CLVS1: variants seen among roughly 807,000 people sequenced by gnomAD.
The protein encoded by CLVS1 is clavesin 1.
In CLVS1, 10 loss-of-function variants were observed where a neutral mutation model predicts 33.1. The observed-to-expected ratio is 0.30, with a 90% CI of 0.19 to 0.51. The LOEUF is 0.51. Among genes scored for constraint, CLVS1 ranks in the 20% least tolerant of loss-of-function variants. The probability of loss-of-function intolerance (pLI) is 0.97; values close to 1 mark genes in which losing one functional copy is unlikely to be tolerated. For synonymous variants in CLVS1, 163 were observed against 166.1 expected (o/e 0.98, Z 0.14); for missense variants, 343 against 433.4 (o/e 0.79, Z 1.85).
At chr8:61,403,163 C>T (rs532919525) in intron 3 of CLVS1, among the ~76,000 whole-genome samples, 1 of 152,162 alleles carries the variant, frequency 6.6e-6, no homozygotes, top group South Asian at 2.1e-4. Flanking sequence ...GAAAAATGTT[C>T]CAGATAGAAG....
chr8:61,243,155 G>A (rs966984877), intron 2 of CLVS1, among the ~76,000 whole-genome samples: 1 of 152,128 alleles, frequency 6.6e-6, no homozygotes, highest in African/African-American at 2.4e-5. Context: ...AGACTTATAT[G>A]GCAAATTTTC....
the CLVS1 span, among the ~76,000 whole-genome samples, chr8:60,972,951 T>C: frequency 2.3e-4 from 35 of 152,270 alleles, no homozygotes; most frequent in African/African-American, 9.6e-5. Flanking sequence ...GATGAACCCA[T>C]TGGGTTCTGA....
the CLVS1 span, among the ~76,000 whole-genome samples, chr8:60,992,658 C>T: frequency 6.6e-6 from 1 of 152,202 alleles, no homozygotes; most frequent in Non-Finnish European, 1.5e-5. Context: ...GAAGCTCTGG[C>T]AACTGCACAA....
chr8:61,416,047 A>G (rs1815417628), intron 3 of CLVS1, among the ~76,000 whole-genome samples: 2 of 152,290 alleles, frequency 1.3e-5, no homozygotes, highest in Non-Finnish European at 2.9e-5. Flanking sequence ...GGGTTCCCAG[A>G]CAACACTTGG....
intron 2 of CLVS1, among the ~76,000 whole-genome samples, chr8:61,330,524 A>T (rs16927192): frequency 0.034 from 5,114 of 152,252 alleles, 287 homozygotes; most frequent in African/African-American, 0.11. Context: ...TGTGTGCACT[A>T]AAGATTAATT....
At chr8:61,372,235 G>T (rs1813471942) in intron 2 of CLVS1, among the ~76,000 whole-genome samples, 1 of 152,100 alleles carries the variant, frequency 6.6e-6, no homozygotes. Flanking sequence ...AAATGTAAAT[G>T]ATTTGGTAGA....
At chr8:61,095,071 G>A (rs1805323535) in intron 1 of CLVS1, among the ~76,000 whole-genome samples, 1 of 152,022 alleles carries the variant, frequency 6.6e-6, no homozygotes, top group Non-Finnish European at 1.5e-5. Flanking sequence ...GGAAGGATGT[G>A]TTTTTAAATA....
chr8:61,292,885 C>G (rs1024015264), intron 1 of CLVS1, among the ~76,000 whole-genome samples: 3 of 152,182 alleles, frequency 2.0e-5, no homozygotes, highest in Non-Finnish European at 4.4e-5. Context: ...AAGAAAACTG[C>G]AAAATGGTTC....
rs374713407 is a variant in CLVS1 at position 61,212,252 on chromosome 8, C to A, written c.-152+80392C>A. ...GGGAGGAACTCCCAGAAAGCTTTCC[C>A]AGGGAGGTAGTGTCTGAACAGGGTT... On this transcript the variant is annotated intron_variant, in intron 2 of 2. Coordinates refer to the CLVS1 transcript ENST00000522621. Among the ~76,000 whole-genome samples, 6 of 152,298 alleles carry A rather than the reference C, an allele frequency of 3.9e-5. No homozygotes were observed. The East Asian group carries it at 5.8e-4, about 15-fold the overall frequency.
chr8:61,031,231 A>C, the CLVS1 span, among the ~76,000 whole-genome samples: 2 of 152,202 alleles, frequency 1.3e-5, no homozygotes. Flanking sequence ...ATTTGGACAG[A>C]AGAGTCTCAG....
At chr8:61,065,384 T>C (rs538447697) in intron 1 of CLVS1, among the ~76,000 whole-genome samples, 15 of 152,318 alleles carry the variant, frequency 9.8e-5, no homozygotes, top group Non-Finnish European at 2.1e-4. Flanking sequence ...TGAATCCATG[T>C]AAGTGGTACC....
intron 2 of CLVS1, among the ~76,000 whole-genome samples, chr8:61,212,981 C>T (rs960746978): frequency 1.2e-4 from 18 of 152,036 alleles, no homozygotes; most frequent in Admixed American, 9.8e-4. Context: ...CCAAGCCCAC[C>T]GGTTAGGTTA....
the CLVS1 span, among the ~76,000 whole-genome samples, chr8:61,021,257 G>A: frequency 8.5e-5 from 13 of 152,294 alleles, no homozygotes; most frequent in African/African-American, 3.1e-4. Context: ...CATGAGATTC[G>A]GTGGGGTTTT....
At chr8:61,244,021 A>T (rs1333021737) in intron 2 of CLVS1, among the ~76,000 whole-genome samples, 1 of 152,140 alleles carries the variant, frequency 6.6e-6, no homozygotes, top group Non-Finnish European at 1.5e-5. Flanking sequence ...AATACTTGTT[A>T]TGCTTTTGTG....
rs571757770 is a variant in CLVS1, at chr8:61,496,495, T to C, written c.978-2960T>C. Among the ~76,000 whole-genome samples, 84 of 152,162 alleles carry C rather than the reference T, an allele frequency of 5.5e-4. 1 individual carries two copies. The Middle Eastern group carries it at 0.027, about 49-fold the overall frequency. The stretch of plus-strand genomic sequence containing the variant: ...CCCACATGCACACTGGGCCTTAAAC[T>C]AAAACAAAGAGAAAAATGCACTGGA... On this transcript the variant is annotated intron_variant, in intron 5 of 5. Coordinates refer to ENST00000325897, the MANE Select transcript of CLVS1 (RefSeq NM_173519.3).
chr8:61,264,364 TG>T (rs1233458489), intron 2 of CLVS1, among the ~76,000 whole-genome samples: 3 of 152,088 alleles, frequency 2.0e-5, no homozygotes, highest in Non-Finnish European at 4.4e-5. Context: ...AAGATTGCAG[TG>T]GGAAAAATGG....
intron 2 of CLVS1, among the ~76,000 whole-genome samples, chr8:61,343,852 A>G (rs1812110778): frequency 6.6e-6 from 1 of 152,210 alleles, no homozygotes; most frequent in South Asian, 2.1e-4. Context: ...TGTATAAAAT[A>G]AAACATTTCT....
intron 3 of CLVS1, among the ~76,000 whole-genome samples, chr8:61,414,418 TC>T (rs1370110326): frequency 1.3e-5 from 2 of 151,676 alleles, no homozygotes; most frequent in Non-Finnish European, 2.9e-5. Flanking sequence ...TTTTTTTTTT[TC>T]ATATTTTTCC....
intron 2 of CLVS1, among the ~76,000 whole-genome samples, chr8:61,208,467 T>G (rs886990197): frequency 3.5e-4 from 53 of 152,350 alleles, no homozygotes; most frequent in African/African-American, 1.3e-3. Context: ...CTGAGGTAGA[T>G]TTCACATTTT....
Sources: allele counts gnomAD v4.1 joint callset (sites outside exome capture counted in the v4.1 genomes callset), GRCh38; gene constraint gnomAD v4.1.1; transcripts MANE v1.5; gene names NCBI Gene and HGNC (gene_info 2026-07-23, HGNC 2026-07-21).